The following KLF9 variants were observed in gnomAD, a reference collection of about 807,000 sequenced individuals.
The protein encoded by KLF9 is Krueppel-like factor 9.
KLF9 carries 2 observed loss-of-function variants against 17.3 expected under a neutral mutation model. The observed-to-expected ratio is 0.12, with a 90% CI of 0.05 to 0.36. The LOEUF (loss-of-function observed/expected upper bound fraction) is 0.36, where lower values mean the gene tolerates loss of function less well. Ranked by LOEUF, KLF9 falls within the 10% of genes least tolerant of loss-of-function variation. The probability of loss-of-function intolerance (pLI) is 1.00; values close to 1 mark genes in which losing one functional copy is unlikely to be tolerated. For missense variants in KLF9, 226 were observed against 333.2 expected, an observed-to-expected ratio of 0.68 and a Z score of 2.51; for synonymous variants, 138 against 139.2, an observed-to-expected ratio of 0.99 and a Z score of 0.06.
At chr9:70,398,403 T>C (rs145368217) in intron 1 of KLF9, among the ~76,000 whole-genome samples, 2 of 152,274 alleles carry the variant, frequency 1.3e-5, no homozygotes, top group East Asian at 3.9e-4. Flanking sequence ...TATCCAAATA[T>C]CGTGCACACA....
At chr9:70,409,125 T>TAC (rs2037287379) in intron 1 of KLF9, among the ~76,000 whole-genome samples, 1 of 79,942 alleles carries the variant, frequency 1.3e-5, no homozygotes, top group South Asian at 4.0e-4. Flanking sequence ...CATATATGTA[T>TAC]ATATGTATAC....
chr9:70,411,727 C>G (rs1401528891), intron 1 of KLF9, among the ~76,000 whole-genome samples: 1 of 152,142 alleles, frequency 6.6e-6, no homozygotes, highest in African/African-American at 2.4e-5. Flanking sequence ...TTAAAAGTAT[C>G]GAGGTATTAC....
At chr9:70,403,173 T>C (rs139308065) in intron 1 of KLF9, among the ~76,000 whole-genome samples, 2,680 of 152,166 alleles carry the variant, frequency 0.018, 36 homozygotes, top group South Asian at 0.063. Context: ...TAAAAATAAA[T>C]AACTAACTAA....
At chr9:70,412,000 C>T (rs1196330270) in intron 1 of KLF9, among the ~76,000 whole-genome samples, 1 of 151,984 alleles carries the variant, frequency 6.6e-6, no homozygotes, top group Non-Finnish European at 1.5e-5. Context: ...TTTTAAAAGG[C>T]AGATAGATGT....
At chr9:70,391,769 A>G (rs2118908491) in intron 1 of KLF9, among the ~76,000 whole-genome samples, 1 of 152,354 alleles carries the variant, frequency 6.6e-6, no homozygotes, top group South Asian at 2.1e-4. Context: ...TACCATTCTT[A>G]TATTCGGTTT....
In KLF9 at chr9:70,413,215, G is replaced by C; in HGVS notation, c.149C>G (p.Pro50Arg). The C allele has an allele frequency of 1.2e-6, 2 of 1,614,078 alleles. No homozygotes were observed. The highest frequency in any genetic ancestry group is 1.7e-6 in the Non-Finnish European group (2 of 1,180,034). ...EREVTKEHGD[P>R]GDTWKDYCTL... The stretch of plus-strand genomic sequence containing the variant: ...GCAGTAATCCTTCCAGGTGTCCCCC[G>C]GGTCACCGTGCTCCTTGGTCACCTC... The change falls in exon 1 of 2, where the codon CCG (proline) becomes CGG (arginine). Residue 50 changes from proline (P) to arginine (R), a missense_variant. Physicochemically the swap from Pro to Arg is moderately radical, Grantham distance 103 (BLOSUM62 -2). Transcript: ENST00000377126. The surrounding 1 kb of genome is among the most constrained non-coding windows in gnomAD (Gnocchi z 5.6).
At chr9:70,401,082 C>A (rs561042870) in intron 1 of KLF9, among the ~76,000 whole-genome samples, 8 of 151,546 alleles carry the variant, frequency 5.3e-5, no homozygotes, top group Admixed American at 4.6e-4. Context: ...TCCTGTAATC[C>A]CAACAGTTTG....
intron 1 of KLF9, among the ~76,000 whole-genome samples, chr9:70,409,200 G>GTGTGTA (rs2037292438): frequency 1.7e-5 from 2 of 118,626 alleles, no homozygotes; most frequent in East Asian, 2.2e-4. Flanking sequence ...ACATGTATAT[G>GTGTGTA]TATATATATA....
rs565302208 is a variant in KLF9 at position 70,410,794 on chromosome 9, A to G, written c.505+2065T>C. 5.3e-5 allele frequency among the ~76,000 whole-genome samples: 8 copies of G among 152,354 alleles called. No individual in the cohort carries two copies. In the South Asian group the frequency reaches 1.7e-3, roughly 32 times the overall value. On this transcript the variant is annotated intron_variant, in intron 1 of 1. Coordinates refer to ENST00000377126, the MANE Select transcript of KLF9 (RefSeq NM_001206.4). Reference sequence around the variant, plus strand: ...AGTTGTATCTGAAACTTCCAAATGCATGAGACCTCCAAGTCTCTTATTTAA... The same window carrying G: ...AGTTGTATCTGAAACTTCCAAATGCGTGAGACCTCCAAGTCTCTTATTTAA...
chr9:70,408,268 T>A (rs976654197), intron 1 of KLF9, among the ~76,000 whole-genome samples: 4 of 152,086 alleles, frequency 2.6e-5, no homozygotes, highest in Non-Finnish European at 5.9e-5. Context: ...CCAGCTACTC[T>A]GGAGGCTGAG....
In KLF9 at chr9:70,413,450, C is replaced by T; in HGVS notation, c.-87G>A. 7.9e-7 allele frequency: 1 copy of T among 1,264,762 alleles called. No homozygotes were observed. Among genetic ancestry groups the T allele is most frequent in the Non-Finnish European group, 1.0e-6 (1 of 1,003,628 alleles). 78.3% of individuals were successfully genotyped at this position (1,264,762 alleles called of 1,614,324 possible). On this transcript the variant is annotated 5_prime_UTR_variant, in exon 1 of 2. Coordinates refer to ENST00000377126, the MANE Select transcript of KLF9 (RefSeq NM_001206.4). The surrounding 1 kb of genome is among the most constrained non-coding windows in gnomAD (Gnocchi z 5.6). Reference sequence around the variant, plus strand: ...CTCGCCCTGCCCTGGCCTCGGACGACGAGCGCGGCGCGGCGCGGCACGGCG... The same window carrying T: ...CTCGCCCTGCCCTGGCCTCGGACGATGAGCGCGGCGCGGCGCGGCACGGCG...
At chr9:70,390,269 G>C (rs1474033542) in intron 1 of KLF9, among the ~76,000 whole-genome samples, 2 of 152,094 alleles carry the variant, frequency 1.3e-5, no homozygotes, top group Admixed American at 1.3e-4. Context: ...CCCTTATGGA[G>C]CTCTGAGCTG....
intron 1 of KLF9, among the ~76,000 whole-genome samples, chr9:70,408,113 C>A (rs1453895284): frequency 6.6e-6 from 1 of 152,138 alleles, no homozygotes; most frequent in Non-Finnish European, 1.5e-5. Flanking sequence ...GTGGCTCACA[C>A]CTGTAATCCC....
At chr9:70,409,180 G>GTGTGTATA (rs1564089414) in intron 1 of KLF9, among the ~76,000 whole-genome samples, 1 of 72,180 alleles carries the variant, frequency 1.4e-5, no homozygotes, top group African/African-American at 4.4e-5. Context: ...GTATATATAT[G>GTGTGTATA]TATACATATA....
intron 1 of KLF9, among the ~76,000 whole-genome samples, chr9:70,397,632 C>T (rs1335645267): frequency 6.6e-6 from 1 of 152,154 alleles, no homozygotes; most frequent in Non-Finnish European, 1.5e-5. Context: ...GGTGGAAATG[C>T]ACAAACAGTA....
intron 1 of KLF9, among the ~76,000 whole-genome samples, chr9:70,406,466 G>C (rs528949348): frequency 2.0e-5 from 3 of 152,282 alleles, no homozygotes; most frequent in Admixed American, 1.3e-4. Flanking sequence ...GACCTCCCAA[G>C]GTCACTTCCA....
Position 70,407,524 on chromosome 9 carries a change from T to C in KLF9, c.505+5335A>G, listed in dbSNP as rs573661228. On this transcript the variant is annotated intron_variant, in intron 1 of 1. Coordinates refer to ENST00000377126, the MANE Select transcript of KLF9 (RefSeq NM_001206.4). ...GTAATTTGACTCCACTTATGTTTTC[T>C]ATCGTGAAACTGTAATCTTGCCAGC... Among the ~76,000 whole-genome samples, 10 of 152,344 alleles carry C rather than the reference T, an allele frequency of 6.6e-5. No individual in the cohort carries two copies. The East Asian group carries it at 1.7e-3, about 26-fold the overall frequency.
At position 70,413,240 on chromosome 9, in the gene KLF9, C is replaced by G. The variant is rs200172109; in HGVS notation, c.124G>C (p.Glu42Gln). Residue 42 changes from glutamate to glutamine, a missense_variant, in exon 1 of 2, where the codon GAG becomes CAG. Physicochemically the swap from Glu to Gln is conservative, Grantham distance 29. Transcript: ENST00000377126. This position sits in a 1 kb window ranked among gnomAD's most constrained non-coding sequence, Gnocchi z 5.6. The stretch of plus-strand genomic sequence containing the variant: ...GGGTCACCGTGCTCCTTGGTCACCT[C>G]GCGCTCAGGTAGTCGCAGCCGCTCG... ...DAERLRLPER[E>Q]VTKEHGDPGD... The G allele has an allele frequency of 5.5e-5, 88 of 1,613,914 alleles. No individual in the cohort carries two copies. Among genetic ancestry groups the G allele is most frequent in the Non-Finnish European group, 7.3e-5 (86 of 1,180,016 alleles).
At chr9:70,390,081 T>C (rs1224828589) in intron 1 of KLF9, among the ~76,000 whole-genome samples, 1 of 152,208 alleles carries the variant, frequency 6.6e-6, no homozygotes, top group East Asian at 1.9e-4. Flanking sequence ...AGAAATATGA[T>C]AAAACAACCA....
Sources: allele counts gnomAD v4.1 joint callset (sites outside exome capture counted in the v4.1 genomes callset), GRCh38; gene constraint gnomAD v4.1.1; non-coding constraint Gnocchi (gnomAD v3.1); transcripts MANE v1.5; gene names NCBI Gene and HGNC (gene_info 2026-07-23, HGNC 2026-07-21).